The following ZNF804B variants were observed in gnomAD, a reference collection of about 807,000 sequenced individuals.
The protein encoded by ZNF804B is zinc finger protein 804B.
In ZNF804B, 80 loss-of-function variants were observed where a neutral mutation model predicts 101.4. The observed-to-expected ratio is 0.79, with a 90% confidence interval of 0.66 to 0.95. ZNF804B has a LOEUF of 0.95. Among genes scored for constraint, ZNF804B ranks in the 40% least tolerant of loss-of-function variants. The pLI is 0.00. For synonymous variants in ZNF804B, 622 were observed against 558.8 expected (o/e 1.11, Z -1.59); for missense variants, 1,673 against 1,561.9 (o/e 1.07, Z -1.20).
intron 1 of ZNF804B, among the ~76,000 whole-genome samples, chr7:88,873,939 A>C (rs981365383): frequency 6.6e-5 from 10 of 152,088 alleles, no homozygotes; most frequent in Admixed American, 3.9e-4. Flanking sequence ...CTTAGGATTG[A>C]CTTGGCAATG....
chr7:88,788,823 G>C (rs186387056), intron 1 of ZNF804B, among the ~76,000 whole-genome samples: 6 of 152,222 alleles, frequency 3.9e-5, no homozygotes, highest in Admixed American at 3.3e-4. Context: ...ATCAGGGAAA[G>C]AGAAGAATGC....
At chr7:88,927,481 G>A (rs1792822927) in intron 1 of ZNF804B, among the ~76,000 whole-genome samples, 1 of 152,124 alleles carries the variant, frequency 6.6e-6, no homozygotes, top group African/African-American at 2.4e-5. Context: ...TGTAATTTGA[G>A]CATGCATAGA....
intron 1 of ZNF804B, among the ~76,000 whole-genome samples, chr7:89,155,318 T>C (rs1790941450): frequency 6.6e-6 from 1 of 152,174 alleles, no homozygotes; most frequent in Non-Finnish European, 1.5e-5. Context: ...TTTTTCCCTT[T>C]GCTGAATGTT....
intron 1 of ZNF804B, among the ~76,000 whole-genome samples, chr7:89,099,442 G>C (rs910927685): frequency 6.6e-6 from 1 of 152,188 alleles, no homozygotes; most frequent in African/African-American, 2.4e-5. Context: ...TCACTGGGAA[G>C]CAGCAGCCAC....
chr7:88,792,411 C>T (rs955767265), intron 1 of ZNF804B, among the ~76,000 whole-genome samples: 3 of 152,056 alleles, frequency 2.0e-5, no homozygotes, highest in African/African-American at 7.2e-5. Context: ...TATTCCCAAA[C>T]AAAATTCACC....
intron 1 of ZNF804B, among the ~76,000 whole-genome samples, chr7:89,150,054 TAAAC>T (rs1246249515): frequency 6.6e-6 from 1 of 152,066 alleles, no homozygotes; most frequent in Non-Finnish European, 1.5e-5. Context: ...ATATCAGAAA[TAAAC>T]AATTCATGTT....
chr7:89,258,589 G>A (rs1445436288), intron 2 of ZNF804B, among the ~76,000 whole-genome samples: 1 of 152,072 alleles, frequency 6.6e-6, no homozygotes, highest in Non-Finnish European at 1.5e-5. Flanking sequence ...TTGAACAAAT[G>A]GGGGTTAGGG....
chr7:88,806,616 GGT>G (rs145554500), intron 1 of ZNF804B, among the ~76,000 whole-genome samples: 53 of 148,628 alleles, frequency 3.6e-4, no homozygotes, highest in Middle Eastern at 3.5e-3. Context: ...TCATTTGAGG[GGT>G]GTGTGTGTGT....
chr7:88,947,582 A>T (rs1793155750), intron 1 of ZNF804B, among the ~76,000 whole-genome samples: 1 of 151,840 alleles, frequency 6.6e-6, no homozygotes, highest in Non-Finnish European at 1.5e-5. Context: ...TGACAGGTTG[A>T]TGGGTGCAGC....
At chr7:89,323,983 G>A (rs1198283464) in intron 2 of ZNF804B, among the ~76,000 whole-genome samples, 2 of 152,050 alleles carry the variant, frequency 1.3e-5, no homozygotes, top group African/African-American at 4.8e-5. Context: ...TTTGGGCTAA[G>A]CCAAAACATG....
intron 1 of ZNF804B, among the ~76,000 whole-genome samples, chr7:88,789,846 G>C (rs1323033248): frequency 6.6e-6 from 1 of 152,100 alleles, no homozygotes; most frequent in African/African-American, 2.4e-5. Flanking sequence ...ACAGTCACTG[G>C]ATGTCAAATT....
At chr7:89,204,565 G>T (rs929011530) in intron 1 of ZNF804B, among the ~76,000 whole-genome samples, 3 of 152,132 alleles carry the variant, frequency 2.0e-5, no homozygotes, top group Admixed American at 2.0e-4. Context: ...TTTCCGGAGG[G>T]TTGCAAAGGG....
At chr7:89,015,070 G>C (rs556539479) in intron 1 of ZNF804B, among the ~76,000 whole-genome samples, 7 of 152,210 alleles carry the variant, frequency 4.6e-5, no homozygotes, top group African/African-American at 1.7e-4. Flanking sequence ...TCTGCATATA[G>C]ATATCAAGTG....
rs1383714118 is a variant in ZNF804B at position 88,759,904 on chromosome 7, G to C, written c.-73G>C. 7.3e-7 allele frequency: 1 copy of C among 1,373,756 alleles called. No individual in the cohort carries two copies. The highest frequency in any genetic ancestry group is 1.0e-6 in the Non-Finnish European group (1 of 967,636). 85.1% of individuals were successfully genotyped at this position (1,373,756 alleles called of 1,614,324 possible). ...GGAGGTGGTAGTCGCTGTTGCCGCTGAGAAACCCGCCCGCTTTCCACGGCT... is the reference window on the plus strand; with the variant it reads ...GGAGGTGGTAGTCGCTGTTGCCGCTCAGAAACCCGCCCGCTTTCCACGGCT... On this transcript the variant is annotated 5_prime_UTR_variant, in exon 1 of 4. The change abolishes the stop of an existing upstream ORF in the 5' untranslated region. Coordinates refer to ENST00000333190, the MANE Select transcript of ZNF804B (RefSeq NM_181646.5).
chr7:89,265,228 T>A (rs539081724), intron 2 of ZNF804B, among the ~76,000 whole-genome samples: 1 of 152,154 alleles, frequency 6.6e-6, no homozygotes, highest in Non-Finnish European at 1.5e-5. Flanking sequence ...GAATGTGTTA[T>A]CCATGATCTT....
At chr7:89,047,696 C>A (rs944296903) in intron 1 of ZNF804B, among the ~76,000 whole-genome samples, 1 of 152,236 alleles carries the variant, frequency 6.6e-6, no homozygotes, top group East Asian at 1.9e-4. Flanking sequence ...CTCCACAGGA[C>A]CCATGTTCAA....
At chr7:89,284,455 A>T (rs1488082713) in intron 2 of ZNF804B, among the ~76,000 whole-genome samples, 2 of 152,344 alleles carry the variant, frequency 1.3e-5, no homozygotes, top group African/African-American at 2.4e-5. Context: ...GAATTGCTTG[A>T]CATGTACCAT....
chr7:88,859,470 G>A lies in ZNF804B; in HGVS notation c.108+99386G>A, dbSNP rs146060985. Among the ~76,000 whole-genome samples the A allele has an allele frequency of 1.5e-3, 235 of 152,172 alleles. 2 individuals are homozygous for A. Among genetic ancestry groups the A allele is most frequent in the African/African-American group, 5.2e-3 (216 of 41,540 alleles). ...TACTTTTATGTGGGTCATGATTTATGTGAGTTATGTGAATCATGATTCAGC... is the reference window on the plus strand; with the variant it reads ...TACTTTTATGTGGGTCATGATTTATATGAGTTATGTGAATCATGATTCAGC... On this transcript the variant is annotated intron_variant, in intron 1 of 3. Transcript: ENST00000333190.
At chr7:89,232,983 G>A (rs973546096) in intron 2 of ZNF804B, among the ~76,000 whole-genome samples, 7 of 152,006 alleles carry the variant, frequency 4.6e-5, no homozygotes, top group African/African-American at 1.7e-4. Flanking sequence ...GTGCAGTGGC[G>A]CGATCTCCAC....
Sources: allele counts gnomAD v4.1 joint callset (sites outside exome capture counted in the v4.1 genomes callset), GRCh38; gene constraint gnomAD v4.1.1; transcripts MANE v1.5; gene names NCBI Gene and HGNC (gene_info 2026-07-23, HGNC 2026-07-21).